Variants in LIN7C observed in about 807,000 individuals in gnomAD.
LIN7C encodes the protein protein lin-7 homolog C.
Under a neutral mutation model 24.7 loss-of-function variants are expected in LIN7C, and 17 were observed. The observed-to-expected ratio is 0.69, with a 90% CI of 0.47 to 1.03. The LOEUF (loss-of-function observed/expected upper bound fraction) is 1.03. LIN7C is among the 50% of genes least tolerant of loss of function. The pLI, the probability that LIN7C is intolerant of heterozygous loss-of-function variation, is 0.00. For missense variants in LIN7C, 204 were observed against 239.0 expected, an observed-to-expected ratio of 0.85 and a Z score of 0.97; for synonymous variants, 90 against 83.4, an observed-to-expected ratio of 1.08 and a Z score of -0.43.
rs945720924 is a variant in LIN7C, at chr11:27,505,289, G to A, written c.37+1427C>T. The stretch of plus-strand genomic sequence containing the variant: ...AGAGGTTGCAGTGAGCCGAGATCGC[G>A]CCACTGCACTCCAGCCTGGGCGACA... On this transcript the variant is annotated intron_variant, in intron 1 of 4. Coordinates refer to ENST00000278193, the MANE Select transcript of LIN7C (RefSeq NM_018362.4). Among the ~76,000 whole-genome samples the A allele has an allele frequency of 4.6e-5, 7 of 152,268 alleles. No individual in the cohort carries two copies. In the East Asian group the frequency reaches 1.4e-3, roughly 29 times the overall value.
intron 1 of LIN7C, among the ~76,000 whole-genome samples, chr11:27,503,808 G>A (rs1480289917): frequency 6.6e-6 from 1 of 151,388 alleles, no homozygotes; most frequent in East Asian, 1.9e-4. Flanking sequence ...CATCACACCT[G>A]GCAGAAAGAT....
intron 3 of LIN7C, among the ~76,000 whole-genome samples, chr11:27,500,731 T>C (rs922039568): frequency 3.3e-5 from 5 of 152,332 alleles, no homozygotes; most frequent in Non-Finnish European, 5.9e-5. Flanking sequence ...TTTCAGATAA[T>C]GGAATTAAGG....
chr11:27,501,634 G>GCGAAGTTAAAATTTCAGA, intron 2 of LIN7C, 68 bp from the exon 3 acceptor site: 4 of 1,086,376 alleles, frequency 3.7e-6, no homozygotes, highest in South Asian at 2.8e-5. Flanking sequence ...AAAATTTCAG[G>GCGAAGTTAAAATTTCAGA]CAAAGTTATG....
At chr11:27,505,523 T>C (rs1407032471) in intron 1 of LIN7C, among the ~76,000 whole-genome samples, 1 of 152,190 alleles carries the variant, frequency 6.6e-6, no homozygotes, top group Non-Finnish European at 1.5e-5. Flanking sequence ...GCTAGTCCTC[T>C]AAAATGATGC....
chr11:27,504,712 C>T (rs12795389), intron 1 of LIN7C, among the ~76,000 whole-genome samples: 2 of 152,110 alleles, frequency 1.3e-5, no homozygotes, highest in Non-Finnish European at 2.9e-5. Context: ...ATGCATATCC[C>T]CCCTCTATAC....
intron 2 of LIN7C, 26 bp downstream of exon 2, chr11:27,501,776 T>C (rs1161142643): frequency 1.4e-6 from 2 of 1,448,084 alleles, no homozygotes; most frequent in Non-Finnish European, 1.9e-6. Flanking sequence ...CTCAAATTTT[T>C]GTAAATTTTA....
At position 27,495,463 on chromosome 11, in the gene LIN7C, ACT is replaced by A. The variant is rs1865156271; in HGVS notation, c.*3184_*3185del. On this transcript the variant is annotated 3_prime_UTR_variant, in exon 5 of 5. Coordinates refer to ENST00000278193, the MANE Select transcript of LIN7C (RefSeq NM_018362.4). The stretch of plus-strand genomic sequence containing the variant: ...ACGCCAGCCTGGGCAACAGAGCAAG[ACT>A]CTGTCTCAAAAAAAAACAAAAACAA... 1 of 151,800 alleles carries A rather than the reference ACT, an allele frequency of 6.6e-6. No individual in the cohort carries two copies. The highest frequency in any genetic ancestry group is 2.4e-5 in the African/African-American group (1 of 41,232). 9.4% of individuals were successfully genotyped at this position (151,800 alleles called of 1,614,324 possible).
At chr11:27,501,433 C>T in intron 3 of LIN7C, 62 bp downstream of exon 3, 1 of 996,154 alleles carries the variant, frequency 1.0e-6, no homozygotes, top group South Asian at 1.4e-5. Context: ...AATTTAATAA[C>T]TCCATATTTT....
intron 1 of LIN7C, 140 bp from the exon 2 acceptor site, chr11:27,502,060 A>G (rs908081848): frequency 2.3e-5 from 14 of 595,922 alleles, no homozygotes; most frequent in African/African-American, 1.7e-4. Context: ...GAATTTGCAC[A>G]TTTGGTGGGA....
chr11:27,498,540 G>A lies in LIN7C; in HGVS notation c.*109C>T. ...TATAAAATGACAAGGAGAATTTCAT[G>A]ATAAATTTGTTTGTTTTCTTACAAT... On this transcript the variant is annotated 3_prime_UTR_variant, in exon 5 of 5. Coordinates refer to ENST00000278193, the MANE Select transcript of LIN7C (RefSeq NM_018362.4). 2 of 1,005,470 alleles carry A rather than the reference G, an allele frequency of 2.0e-6. No individual in the cohort carries two copies. The highest frequency in any genetic ancestry group is 1.6e-5 in the South Asian group (1 of 61,082). The allele number at this position is 1,005,470 out of a possible 1,614,324, so 62.3% of individuals were successfully genotyped here.
intron 3 of LIN7C, among the ~76,000 whole-genome samples, chr11:27,501,141 G>T (rs930809481): frequency 6.6e-6 from 1 of 152,060 alleles, no homozygotes; most frequent in African/African-American, 2.4e-5. Context: ...GATGAGGATA[G>T]TAATTCATAT....
intron 1 of LIN7C, among the ~76,000 whole-genome samples, chr11:27,502,832 C>T (rs1246878752): frequency 6.6e-6 from 1 of 152,210 alleles, no homozygotes; most frequent in Admixed American, 6.5e-5. Context: ...GAAATATTGG[C>T]TGGGAATAGT....
chr11:27,505,125 G>A (rs1466970079), intron 1 of LIN7C, among the ~76,000 whole-genome samples: 8 of 152,258 alleles, frequency 5.3e-5, no homozygotes, highest in African/African-American at 1.9e-4. Context: ...CTAAGCTCAA[G>A]AGTTCGAGAC....
intron 3 of LIN7C, 98 bp downstream of exon 3, chr11:27,501,397 T>C: frequency 1.3e-6 from 1 of 757,994 alleles, no homozygotes; most frequent in Non-Finnish European, 2.2e-6. Flanking sequence ...AAGATACATG[T>C]TAGTCTTCAA....
intron 3 of LIN7C, among the ~76,000 whole-genome samples, chr11:27,501,130 A>ATT (rs1455484859): frequency 7.9e-5 from 12 of 152,168 alleles, no homozygotes; most frequent in Non-Finnish European, 1.5e-4. Context: ...CTCATCAATA[A>ATT]GATGAGGATA....
At chr11:27,499,193 T>G (rs1488838388) in intron 4 of LIN7C, among the ~76,000 whole-genome samples, 166 bp downstream of exon 4, 1 of 152,164 alleles carries the variant, frequency 6.6e-6, no homozygotes, top group Non-Finnish European at 1.5e-5. Context: ...CACTGCAAAA[T>G]ACACTTATAG....
chr11:27,504,072 C>T (rs560107779), intron 1 of LIN7C, among the ~76,000 whole-genome samples: 32 of 152,284 alleles, frequency 2.1e-4, no homozygotes, highest in South Asian at 4.1e-4. Flanking sequence ...CTTGCCTCGG[C>T]CTCCCAAAGT....
rs138628043 is a variant in LIN7C, at chr11:27,500,083, TTTG to T, written c.229-518_229-516del. The stretch of plus-strand genomic sequence containing the variant: ...AGTTATGCAGGAAATGTTACGATTT[TTTG>T]TTATGATTTTTTAGGTCATTCCTAG... On this transcript the variant is annotated intron_variant, in intron 3 of 4. Transcript: ENST00000278193. Among the ~76,000 whole-genome samples the T allele has an allele frequency of 4.4e-3, 668 of 152,286 alleles. 4 individuals are homozygous for T. The highest frequency in any genetic ancestry group is 0.015 in the African/African-American group (631 of 41,560).
chr11:27,498,860 T>C lies in LIN7C; in HGVS notation c.439-56A>G, dbSNP rs2133486932. ...CTAATATCTAAGTTTTGAAAGTAAC[T>C]CAAAATGCAAAAATGTTTACAATAT... On this transcript the variant is annotated intron_variant, in intron 4 of 4. Coordinates refer to ENST00000278193, the MANE Select transcript of LIN7C (RefSeq NM_018362.4). The C allele has an allele frequency of 3.4e-6, 5 of 1,472,710 alleles. No individual in the cohort carries two copies. In the South Asian group the frequency reaches 4.9e-5, roughly 14 times the overall value. 91.2% of individuals were successfully genotyped at this position (1,472,710 alleles called of 1,614,324 possible).
Sources: allele counts gnomAD v4.1 joint callset (sites outside exome capture counted in the v4.1 genomes callset), GRCh38; gene constraint gnomAD v4.1.1; transcripts MANE v1.5; gene names NCBI Gene and HGNC (gene_info 2026-07-23, HGNC 2026-07-21).